LRBA: variants seen among roughly 807,000 people sequenced by gnomAD.
LRBA encodes the protein lipopolysaccharide-responsive and beige-like anchor protein.
In LRBA, 176 loss-of-function variants were observed where a neutral mutation model predicts 330.0. The ratio of observed to expected loss-of-function variants is 0.53; its 90% CI spans 0.47 to 0.60. The LOEUF is 0.60. Among genes scored for constraint, LRBA ranks in the 20% least tolerant of loss-of-function variants. LRBA has a pLI of 0.00. For synonymous variants in LRBA, 1,230 were observed against 1,193.0 expected (o/e 1.03, Z -0.64); for missense variants, 3,259 against 3,444.8 (o/e 0.95, Z 1.35).
At chr4:150,667,107 C>A (rs1174337782) in intron 37 of LRBA, among the ~76,000 whole-genome samples, 1 of 152,102 alleles carries the variant, frequency 6.6e-6, no homozygotes, top group Non-Finnish European at 1.5e-5. Context: ...AATCACTATA[C>A]CATACAATAT....
intron 36 of LRBA, among the ~76,000 whole-genome samples, chr4:150,697,215 C>T (rs2126979206): frequency 1.4e-5 from 2 of 147,278 alleles, no homozygotes; most frequent in South Asian, 4.3e-4. Flanking sequence ...ATCCCAGCTA[C>T]TCAGAAGGCT....
At chr4:150,957,068 A>T (rs1370657055) in intron 2 of LRBA, among the ~76,000 whole-genome samples, 1 of 149,130 alleles carries the variant, frequency 6.7e-6, no homozygotes, top group Admixed American at 6.6e-5. Flanking sequence ...GGTACAAACA[A>T]TGACCAACAC....
chr4:150,416,343 C>T (rs1417940438), intron 46 of LRBA, among the ~76,000 whole-genome samples: 1 of 152,196 alleles, frequency 6.6e-6, no homozygotes, highest in African/African-American at 2.4e-5. Context: ...CAGATATCCC[C>T]TCAGGGCCAG....
intron 46 of LRBA, among the ~76,000 whole-genome samples, chr4:150,419,633 C>CTTT (rs780382905): frequency 3.0e-3 from 288 of 96,934 alleles, no homozygotes; most frequent in East Asian, 5.2e-3. Context: ...CTGATAATAT[C>CTTT]TTTTTTTTTT....
chr4:150,481,481 A>AAT lies in LRBA; in HGVS notation c.6551+6249_6551+6250dup, dbSNP rs1423385932. 1.4e-4 allele frequency among the ~76,000 whole-genome samples: 21 copies of AAT among 151,926 alleles called. No homozygotes were observed. The East Asian group carries it at 3.1e-3, about 22-fold the overall frequency. On this transcript the variant is annotated intron_variant, in intron 42 of 56. Coordinates refer to ENST00000651943, the MANE Select transcript of LRBA (RefSeq NM_001364905.1). ...TAAGTGTACAATTTGATGAGATTTGAATATATATATATGTTTCTGTAACCA... is the reference window on the plus strand; with the variant it reads ...TAAGTGTACAATTTGATGAGATTTGAATATATATATATATGTTTCTGTAACCA...
intron 42 of LRBA, among the ~76,000 whole-genome samples, chr4:150,472,270 T>C (rs1756226393): frequency 6.6e-6 from 1 of 152,056 alleles, no homozygotes; most frequent in Non-Finnish European, 1.5e-5. Flanking sequence ...CAAATTTTCC[T>C]GTAGCCTCCT....
At chr4:150,923,719 A>AT (rs1733581193) in intron 4 of LRBA, among the ~76,000 whole-genome samples, 1 of 152,218 alleles carries the variant, frequency 6.6e-6, no homozygotes. Context: ...ATACTATCTC[A>AT]TTTTAATCAG....
chr4:151,004,522 T>C (rs1743784664), intron 2 of LRBA, among the ~76,000 whole-genome samples: 1 of 152,204 alleles, frequency 6.6e-6, no homozygotes, highest in East Asian at 1.9e-4. Context: ...ACTAATGGTT[T>C]ATTTCTGAAA....
intron 29 of LRBA, among the ~76,000 whole-genome samples, chr4:150,828,922 G>GTGGGTGTGTGTGTGTGT (rs1560878315): frequency 8.5e-5 from 9 of 106,176 alleles, no homozygotes; most frequent in African/African-American, 4.1e-4. Flanking sequence ...CTTTTTTGGG[G>GTGGGTGTGTGTGTGTGT]GTGTGTGTGT....
chr4:150,847,038 T>C (rs1177565007), intron 26 of LRBA, among the ~76,000 whole-genome samples: 2 of 152,136 alleles, frequency 1.3e-5, no homozygotes, highest in Non-Finnish European at 2.9e-5. Context: ...CATAAAGCAA[T>C]AAAGTCTAAA....
At chr4:150,588,313 C>G in intron 39 of LRBA, 129 bp from the exon 40 acceptor site, 1 of 821,182 alleles carries the variant, frequency 1.2e-6, no homozygotes, top group East Asian at 2.9e-5. Flanking sequence ...ACTACTTCTA[C>G]AGTTAAATAT....
chr4:150,440,941 A>G (rs1474203607), intron 44 of LRBA, among the ~76,000 whole-genome samples: 1 of 152,156 alleles, frequency 6.6e-6, no homozygotes, highest in African/African-American at 2.4e-5. Flanking sequence ...TGCTTATGAG[A>G]TAATAATGAT....
chr4:150,831,895 T>C lies in LRBA; in HGVS notation c.4651A>G (p.Ile1551Val), dbSNP rs200818717. The C allele has an allele frequency of 2.6e-5, 41 of 1,605,926 alleles. No homozygotes were observed. Among genetic ancestry groups the C allele is most frequent in the Non-Finnish European group, 8.5e-6 (10 of 1,175,956 alleles). The change falls in exon 29 of 57, where the codon ATT (isoleucine) becomes GTT (valine). Residue 1551 changes from isoleucine (I) to valine (V), a missense_variant. Transcript: ENST00000651943. ...TGCCTTTCATTTTGGGGTTCCAAAA[T>C]GTCTCTGTACTTGGAGACCATAAGA... ...SVLMVSKYRDILEPQNERHSQ... is the reference protein window; with the variant it reads ...SVLMVSKYRDVLEPQNERHSQ...
At chr4:150,746,104 A>G (rs1732683891) in intron 35 of LRBA, among the ~76,000 whole-genome samples, 1 of 152,236 alleles carries the variant, frequency 6.6e-6, no homozygotes, top group Non-Finnish European at 1.5e-5. Flanking sequence ...TTATAGAAAC[A>G]TATACAGTAT....
intron 45 of LRBA, 59 bp downstream of exon 45, chr4:150,436,665 C>A: frequency 6.9e-7 from 1 of 1,445,806 alleles, no homozygotes; most frequent in Non-Finnish European, 9.4e-7. Flanking sequence ...CTAATTTTTG[C>A]ATATCCTTCA....
At chr4:150,393,276 A>T (rs1048313720) in intron 47 of LRBA, among the ~76,000 whole-genome samples, 6 of 151,938 alleles carry the variant, frequency 3.9e-5, no homozygotes, top group Admixed American at 3.9e-4. Context: ...GCCCCAATAC[A>T]TATTTGCTGA....
chr4:150,680,553 C>G (rs1200355428), intron 37 of LRBA, among the ~76,000 whole-genome samples: 2 of 152,146 alleles, frequency 1.3e-5, no homozygotes, highest in East Asian at 3.9e-4. Flanking sequence ...GGGAATATGT[C>G]TTTATAAAGG....
intron 26 of LRBA, among the ~76,000 whole-genome samples, chr4:150,846,152 C>A (rs1304473677): frequency 6.6e-6 from 1 of 152,118 alleles, no homozygotes. Flanking sequence ...AAGTCAGACA[C>A]AGAGAGACAA....
At chr4:150,484,940 A>G in intron 42 of LRBA, among the ~76,000 whole-genome samples, 1 of 151,858 alleles carries the variant, frequency 6.6e-6, no homozygotes, top group East Asian at 1.9e-4. Flanking sequence ...TCCAAATCTC[A>G]AGAGATTTTC....
Sources: gnomAD v4.1 joint callset for allele counts (sites outside exome capture counted in the v4.1 genomes callset) on GRCh38, gnomAD v4.1.1 for gene constraint, MANE v1.5 for transcripts, NCBI Gene and HGNC (gene_info 2026-07-23, HGNC 2026-07-21) for gene names.